PTGER3: variants seen among roughly 807,000 people sequenced by gnomAD.
The protein encoded by PTGER3 is prostaglandin E2 receptor EP3 subtype.
In PTGER3, 22 loss-of-function variants were observed where a neutral mutation model predicts 34.7. That is an observed-to-expected ratio of 0.63 (90% CI 0.45 to 0.91). The LOEUF (loss-of-function observed/expected upper bound fraction) is 0.91, where lower values mean the gene tolerates loss of function less well. PTGER3 is among the 40% of genes least tolerant of loss of function. PTGER3 has a pLI of 0.00. For synonymous variants in PTGER3, 241 were observed against 230.1 expected (o/e 1.05, Z -0.43); for missense variants, 468 against 519.4 (o/e 0.90, Z 0.96).
intron 2 of PTGER3, chr1:71,007,342 G>A (rs1657061680): frequency 1.0e-6 from 1 of 985,600 alleles, no homozygotes; most frequent in Admixed American, 6.2e-5. Flanking sequence ...GATAAGGAGA[G>A]CAAGAAGGCA....
At chr1:71,017,285 A>G (rs958663062) in intron 1 of PTGER3, among the ~76,000 whole-genome samples, 3 of 152,164 alleles carry the variant, frequency 2.0e-5, no homozygotes, top group Non-Finnish European at 4.4e-5. Context: ...CTGGCTTTGA[A>G]GGTGGAGGAA....
Position 71,047,673 on chromosome 1 carries a change from G to A in PTGER3, c.-96C>T. 7.3e-7 allele frequency: 1 copy of A among 1,378,386 alleles called. No individual in the cohort carries two copies. Among genetic ancestry groups the A allele is most frequent in the Non-Finnish European group, 9.7e-7 (1 of 1,036,154 alleles). The allele number at this position is 1,378,386 out of a possible 1,614,324, so 85.4% of individuals were successfully genotyped here. A position where few individuals can be genotyped will look rare whatever the true frequency, so the allele number is the denominator to read the frequency against. ...GGCGGCGGAGGTCGGCGTTTACCGC[G>A]GCTGGGGCTGGGCTGCCCCCCATGG... is the stretch of plus-strand genomic sequence containing the variant. On this transcript the variant is annotated 5_prime_UTR_variant, in exon 1 of 4. Coordinates refer to ENST00000306666, the MANE Select transcript of PTGER3 (RefSeq NM_198719.2).
At chr1:71,041,009 CAG>C (rs1168992726) in intron 1 of PTGER3, among the ~76,000 whole-genome samples, 1 of 152,164 alleles carries the variant, frequency 6.6e-6, no homozygotes, top group Non-Finnish European at 1.5e-5. Context: ...CAGGAATTCA[CAG>C]AGAGTTCCCA....
chr1:70,979,274 G>A (rs1051960669), intron 2 of PTGER3, among the ~76,000 whole-genome samples: 1 of 151,462 alleles, frequency 6.6e-6, no homozygotes, highest in Non-Finnish European at 1.5e-5. Flanking sequence ...ATGTCTATAA[G>A]TGAGTAGATA....
chr1:70,894,059 G>A (rs542376777), intron 4 of PTGER3, among the ~76,000 whole-genome samples: 2 of 152,280 alleles, frequency 1.3e-5, no homozygotes, highest in South Asian at 4.1e-4. Flanking sequence ...AGTAATCCCA[G>A]CTCTTTGGGA....
chr1:70,871,969 A>T (rs150566479), intron 4 of PTGER3, among the ~76,000 whole-genome samples: 1 of 152,292 alleles, frequency 6.6e-6, no homozygotes. Context: ...CAAGGTCACT[A>T]GACTGCTTGT....
In PTGER3 at chr1:70,973,225, A is replaced by AGATAGATAGATAGATAGAT. The variant is rs1653304712; in HGVS notation, c.1169+1053_1169+1071dup. 8.8e-4 allele frequency among the ~76,000 whole-genome samples: 17 copies of AGATAGATAGATAGATAGAT among 19,222 alleles called. 1 individual carries two copies. Among genetic ancestry groups the AGATAGATAGATAGATAGAT allele is most frequent in the African/African-American group, 3.9e-3 (17 of 4,392 alleles). 12.6% of individuals were successfully genotyped at this position (19,222 alleles called of 152,430 possible). A position where few individuals can be genotyped will look rare whatever the true frequency, so the allele number is the denominator to read the frequency against. ...GATGATAGATAGATAGATAGATGAT[A>AGATAGATAGATAGATAGAT]GATAGATAGATAGATAGATAGATAG... On this transcript the variant is annotated intron_variant, in intron 3 of 3. Transcript: ENST00000306666.
intron 4 of PTGER3, among the ~76,000 whole-genome samples, chr1:70,890,689 C>A (rs530994057): frequency 7.2e-5 from 11 of 152,322 alleles, no homozygotes; most frequent in African/African-American, 2.6e-4. Flanking sequence ...ACAGCCTGTT[C>A]TCACACACAG....
At chr1:70,877,284 G>C (rs1020128465) in intron 4 of PTGER3, among the ~76,000 whole-genome samples, 3 of 152,116 alleles carry the variant, frequency 2.0e-5, no homozygotes, top group East Asian at 1.9e-4. Flanking sequence ...AAATGCTACT[G>C]ATTTCTGTAC....
intron 1 of PTGER3, among the ~76,000 whole-genome samples, chr1:71,018,371 C>T (rs576149729): frequency 2.0e-5 from 3 of 152,208 alleles, no homozygotes; most frequent in East Asian, 3.9e-4. Context: ...CATGCAAAAC[C>T]GAATGCCTGT....
intron 2 of PTGER3, among the ~76,000 whole-genome samples, chr1:70,980,790 T>G (rs893017094): frequency 1.3e-5 from 2 of 152,124 alleles, no homozygotes; most frequent in Non-Finnish European, 2.9e-5. Context: ...GAGGTTCTTG[T>G]AAGGGAAATT....
chr1:71,037,543 T>C (rs1659946145), intron 1 of PTGER3, among the ~76,000 whole-genome samples: 1 of 152,246 alleles, frequency 6.6e-6, no homozygotes, highest in South Asian at 2.1e-4. Context: ...GTGTGATCTA[T>C]TTTGTCCATT....
At chr1:71,034,591 C>T (rs1232080218) in intron 1 of PTGER3, among the ~76,000 whole-genome samples, 2 of 152,086 alleles carry the variant, frequency 1.3e-5, no homozygotes, top group African/African-American at 4.8e-5. Context: ...TGTGATAAAA[C>T]ATAATAGTAA....
chr1:70,862,084 C>T (rs1645939399), intron 4 of PTGER3, among the ~76,000 whole-genome samples: 1 of 151,836 alleles, frequency 6.6e-6, no homozygotes, highest in Admixed American at 6.6e-5. Context: ...ATCTGAGGAT[C>T]TATATATTGG....
In PTGER3 at chr1:70,971,228, C is replaced by A. The variant is rs1653046446; in HGVS notation, c.*502G>T. 2 of 985,404 alleles carry A rather than the reference C, an allele frequency of 2.0e-6. No homozygotes were observed. The highest frequency in any genetic ancestry group is 2.4e-6 in the Non-Finnish European group (2 of 829,942). The allele number at this position is 985,404 out of a possible 1,614,324, so 61.0% of individuals were successfully genotyped here. A position where few individuals can be genotyped will look rare whatever the true frequency, so the allele number is the denominator to read the frequency against. On this transcript the variant is annotated 3_prime_UTR_variant, in exon 4 of 4. Transcript: ENST00000306666. ...GCACAAATATTTTTTGTCACGATTC[C>A]CTCCTGCCCTCATTTGCTTTTATAT...
At chr1:70,957,280 C>T (rs898707746) in intron 2 of PTGER3, among the ~76,000 whole-genome samples, 2 of 152,156 alleles carry the variant, frequency 1.3e-5, no homozygotes, top group African/African-American at 4.8e-5. Context: ...GATTTGGAAA[C>T]TACCAGGGAG....
chr1:71,021,124 T>C (rs896254076), intron 1 of PTGER3, among the ~76,000 whole-genome samples: 8 of 152,138 alleles, frequency 5.3e-5, no homozygotes, highest in Non-Finnish European at 1.0e-4. Flanking sequence ...CTATATTGCT[T>C]GAATTTCTTG....
chr1:70,994,502 G>C (rs1156835925), intron 2 of PTGER3, among the ~76,000 whole-genome samples: 1 of 151,186 alleles, frequency 6.6e-6, no homozygotes, highest in African/African-American at 2.4e-5. Flanking sequence ...TTGTCGCCCA[G>C]GCTGCAGTGC....
chr1:70,996,610 G>A (rs531857060), intron 2 of PTGER3, among the ~76,000 whole-genome samples: 1 of 145,732 alleles, frequency 6.9e-6, no homozygotes, highest in Admixed American at 6.8e-5. Flanking sequence ...ACAGGCGCCC[G>A]CCACCATGCC....
Sources: gnomAD v4.1 joint callset for allele counts (sites outside exome capture counted in the v4.1 genomes callset) on GRCh38, gnomAD v4.1.1 for gene constraint, MANE v1.5 for transcripts, NCBI Gene and HGNC (gene_info 2026-07-23, HGNC 2026-07-21) for gene names.